ADSS2: variants seen among roughly 807,000 people sequenced by gnomAD.
ADSS2 encodes adenylosuccinate synthetase isozyme 2.
Under a neutral mutation model 60.0 loss-of-function variants are expected in ADSS2, and 30 were observed. That is an observed-to-expected ratio of 0.50 (90% CI 0.37 to 0.68). The LOEUF is 0.68. Among genes scored for constraint, ADSS2 ranks in the 30% least tolerant of loss-of-function variants. The pLI is 0.00. For missense variants in ADSS2, 373 were observed against 554.8 expected, an observed-to-expected ratio of 0.67 and a Z score of 3.29; for synonymous variants, 187 against 193.1, an observed-to-expected ratio of 0.97 and a Z score of 0.26.
chr1:244,443,339 G>C (rs1665295932), intron 1 of ADSS2, among the ~76,000 whole-genome samples: 1 of 152,096 alleles, frequency 6.6e-6, no homozygotes, highest in Non-Finnish European at 1.5e-5. Context: ...TATGATCCCA[G>C]TCACTCTTGT....
In ADSS2 at chr1:244,437,769, C is replaced by T; in HGVS notation, c.184-1G>A. 1 of 1,590,448 alleles carries T rather than the reference C, an allele frequency of 6.3e-7. No homozygotes were observed. Among genetic ancestry groups the T allele is most frequent in the Non-Finnish European group, 8.6e-7 (1 of 1,158,974 alleles). On this transcript the variant is annotated splice_acceptor_variant, in intron 1 of 12. Coordinates refer to ENST00000366535, the MANE Select transcript of ADSS2 (RefSeq NM_001126.5). LOFTEE classifies it high-confidence loss of function. ...CTGTATGGCCAGCATTATTTCCTCC[C>T]TAAAATGTAAGATAGGGGAAAATTG...
chr1:244,449,974 C>A (rs1038666753), intron 1 of ADSS2, among the ~76,000 whole-genome samples: 1 of 152,286 alleles, frequency 6.6e-6, no homozygotes, highest in East Asian at 1.9e-4. Flanking sequence ...AATTGAGGAT[C>A]CTTTAGAATA....
chr1:244,451,637 G>A lies in ADSS2; in HGVS notation c.181C>T (p.Gln61Ter). Residue 61 changes from glutamine (Q) to a stop codon, truncating the protein, a stop_gained and splice_region_variant, in exon 1 of 13, where the codon CAG (glutamine) becomes TAG (stop). Transcript: ENST00000366535. LOFTEE classifies it high-confidence loss of function. This position sits in a 1 kb window ranked among gnomAD's most constrained non-coding sequence, Gnocchi z 6.6. ...AQDADIVCRC[Q>*]GGNNAGHTVV... ...CATGAGAGGCCCCGTCGCCTCACCT[G>A]GCAGCGGCACACGATGTCGGCGTCC... The A allele has an allele frequency of 6.2e-7, 1 of 1,608,872 alleles. No individual in the cohort carries two copies. Among genetic ancestry groups the A allele is most frequent in the Non-Finnish European group, 8.5e-7 (1 of 1,177,476 alleles).
chr1:244,437,809 T>A, intron 1 of ADSS2, 41 bp from the exon 2 acceptor site: 3 of 1,390,336 alleles, frequency 2.2e-6, no homozygotes, highest in Non-Finnish European at 3.1e-6. Flanking sequence ...TGATGATAAA[T>A]ACTACAAATA....
chr1:244,416,411 G>A (rs533591559), intron 10 of ADSS2, among the ~76,000 whole-genome samples: 9 of 152,058 alleles, frequency 5.9e-5, no homozygotes, highest in South Asian at 4.1e-4. Context: ...TCAACCTCCC[G>A]GGCTCAAGCA....
rs190745030 is a variant in ADSS2 at position 244,415,862 on chromosome 1, T to C, written c.1168+119A>G. The C allele has an allele frequency of 1.1e-3, 747 of 693,838 alleles. 5 individuals are homozygous for C. In the African/African-American group the frequency reaches 0.012, roughly 11 times the overall value. 43.0% of individuals were successfully genotyped at this position (693,838 alleles called of 1,614,324 possible). ...TAATAAGTGAGCAAATTTGCACTAA[T>C]CATAAAGGGCATATCAAACCTGTCG... is the stretch of plus-strand genomic sequence containing the variant. On this transcript the variant is annotated intron_variant, in intron 11 of 12. Coordinates refer to ENST00000366535, the MANE Select transcript of ADSS2 (RefSeq NM_001126.5).
chr1:244,425,457 T>G lies in ADSS2; in HGVS notation c.407-1070A>C, dbSNP rs544729296. On this transcript the variant is annotated intron_variant, in intron 4 of 12. Coordinates refer to ENST00000366535, the MANE Select transcript of ADSS2 (RefSeq NM_001126.5). Reference sequence around the variant, plus strand: ...AACAGAAAGACTGATATAAGGTTCTTGGGATTAGTGGTAGCATCTGTAAAA... The same window carrying G: ...AACAGAAAGACTGATATAAGGTTCTGGGGATTAGTGGTAGCATCTGTAAAA... Among the ~76,000 whole-genome samples the G allele has an allele frequency of 2.0e-5, 3 of 152,312 alleles. No homozygotes were observed. In the South Asian group the frequency reaches 6.2e-4, roughly 32 times the overall value.
At chr1:244,423,869 C>T (rs947876037) in intron 6 of ADSS2, 84 bp downstream of exon 6, 5 of 1,026,516 alleles carry the variant, frequency 4.9e-6, no homozygotes, top group South Asian at 1.6e-5. Flanking sequence ...ACTAGAATAC[C>T]GACTGTATCA....
intron 3 of ADSS2, among the ~76,000 whole-genome samples, chr1:244,435,504 G>C (rs1665074556): frequency 6.7e-6 from 1 of 150,148 alleles, no homozygotes; most frequent in Non-Finnish European, 1.5e-5. Flanking sequence ...ATGAAACGAA[G>C]TTTGTTTCCT....
At chr1:244,429,268 C>A (rs1223963102) in intron 4 of ADSS2, among the ~76,000 whole-genome samples, 2 of 152,146 alleles carry the variant, frequency 1.3e-5, no homozygotes, top group African/African-American at 4.8e-5. Context: ...TAGTTTTTTC[C>A]ATTGTACTAC....
chr1:244,413,633 T>G (rs780233875), intron 11 of ADSS2, among the ~76,000 whole-genome samples: 2 of 151,810 alleles, frequency 1.3e-5, no homozygotes, highest in Non-Finnish European at 2.9e-5. Flanking sequence ...ACAGGAGCTG[T>G]AGAGAGAAGG....
chr1:244,437,595 G>C, intron 2 of ADSS2, 71 bp downstream of exon 2: 1 of 1,109,176 alleles, frequency 9.0e-7, no homozygotes, highest in Non-Finnish European at 1.4e-6. Flanking sequence ...AAACAGTTTT[G>C]ACAATAAAAA....
chr1:244,433,207 G>C (rs1405337813), intron 3 of ADSS2, among the ~76,000 whole-genome samples: 1 of 152,148 alleles, frequency 6.6e-6, no homozygotes, highest in Non-Finnish European at 1.5e-5. Context: ...CTACACTCCA[G>C]TGTATGTGGC....
At chr1:244,451,926 G>A (rs1296277635), upstream of ADSS2, 6 of 1,174,508 alleles carry the variant, frequency 5.1e-6, no homozygotes, top group African/African-American at 1.6e-5. The surrounding 1 kb of genome is among the most constrained non-coding windows in gnomAD (Gnocchi z 6.6). Flanking sequence ...GGAGCCAGAG[G>A]CCGGCCCCGC....
At chr1:244,430,438 C>A (rs1192528658) in intron 4 of ADSS2, among the ~76,000 whole-genome samples, 3 of 152,182 alleles carry the variant, frequency 2.0e-5, no homozygotes, top group African/African-American at 7.2e-5. Flanking sequence ...CTGCACATAG[C>A]CCAATTATCT....
rs1193715793 is a variant in ADSS2, at chr1:244,451,627, C to T, written c.183+8G>A. 1 of 1,605,596 alleles carries T rather than the reference C, an allele frequency of 6.2e-7. No individual in the cohort carries two copies. The highest frequency in any genetic ancestry group is 1.1e-5 in the South Asian group (1 of 90,210). ...CCCGGCTTCCCATGAGAGGCCCCGT[C>T]GCCTCACCTGGCAGCGGCACACGAT... On this transcript the variant is annotated splice_region_variant and intron_variant, in intron 1 of 12. Coordinates refer to ENST00000366535, the MANE Select transcript of ADSS2 (RefSeq NM_001126.5). The surrounding 1 kb of genome is among the most constrained non-coding windows in gnomAD (Gnocchi z 6.6).
At chr1:244,434,624 T>A (rs12041977) in intron 3 of ADSS2, among the ~76,000 whole-genome samples, 10,034 of 152,080 alleles carry the variant, frequency 0.066, 785 homozygotes, top group East Asian at 0.42. Context: ...TATTCTGAAG[T>A]TAGTTTAGGA....
intron 1 of ADSS2, among the ~76,000 whole-genome samples, chr1:244,450,702 T>C (rs1200796464): frequency 6.6e-6 from 1 of 152,214 alleles, no homozygotes; most frequent in African/African-American, 2.4e-5. Flanking sequence ...GAGAGTTATC[T>C]GAGAGCCTTT....
At chr1:244,437,044 T>C in intron 2 of ADSS2, 151 bp from the exon 3 acceptor site, 1 of 603,058 alleles carries the variant, frequency 1.7e-6, no homozygotes, top group African/African-American at 1.9e-5. Flanking sequence ...GAACATAATA[T>C]AGTGAATATA....
Sources: gnomAD v4.1 joint callset for allele counts (sites outside exome capture counted in the v4.1 genomes callset) on GRCh38, gnomAD v4.1.1 for gene constraint, Gnocchi (gnomAD v3.1) non-coding constraint, MANE v1.5 for transcripts, NCBI Gene and HGNC (gene_info 2026-07-23, HGNC 2026-07-21) for gene names.